The following KCTD15 variants were observed in gnomAD, a reference collection of about 807,000 sequenced individuals.
The protein encoded by KCTD15 is BTB/POZ domain-containing protein KCTD15.
KCTD15 carries 11 observed loss-of-function variants against 27.2 expected under a neutral mutation model. That is an observed-to-expected ratio of 0.41 (90% CI 0.25 to 0.67). KCTD15 has a LOEUF of 0.67. Among genes scored for constraint, KCTD15 ranks in the 30% least tolerant of loss-of-function variants. KCTD15 has a pLI of 0.35. For synonymous variants in KCTD15, 163 were observed against 176.0 expected (o/e 0.93, Z 0.58); for missense variants, 350 against 409.3 (o/e 0.86, Z 1.25).
Position 33,796,976 on chromosome 19 carries a change from G to GCCGCT in KCTD15, c.-135_-134insCTCCG, listed in dbSNP as rs149139568. 0.53 allele frequency: 79,307 copies of GCCGCT among 150,982 alleles called. 21,262 individuals are homozygous for GCCGCT. Among genetic ancestry groups the GCCGCT allele is most frequent in the Middle Eastern group, 0.61 (176 of 288 alleles). The allele number at this position is 150,982 out of a possible 1,614,324, so 9.4% of individuals were successfully genotyped here. A position where few individuals can be genotyped will look rare whatever the true frequency, so the allele number is the denominator to read the frequency against. On this transcript the variant is annotated 5_prime_UTR_variant, in exon 1 of 7. Transcript: ENST00000683859. ...CGGGGGCTGCGCCCGAGCCCGATCT[G>GCCGCT]CCGGCTCCGAGGTAAGCTCAGCGCG...
chr19:33,801,068 T>C, intron 3 of KCTD15, 99 bp from the exon 4 acceptor site: 2 of 1,154,810 alleles, frequency 1.7e-6, no homozygotes, highest in Non-Finnish European at 2.5e-6. Flanking sequence ...ATTAGATCTG[T>C]GATCACACTC....
chr19:33,804,498 G>T (rs1975654496), intron 4 of KCTD15, among the ~76,000 whole-genome samples: 2 of 8,442 alleles, frequency 2.4e-4, no homozygotes, highest in African/African-American at 1.2e-3. Flanking sequence ...GAAGGGTGGG[G>T]AGAGTTCCCA....
chr19:33,806,973 G>A lies in KCTD15; in HGVS notation c.353G>A (p.Arg118Gln), dbSNP rs1182577391. The A allele has an allele frequency of 1.2e-6, 2 of 1,614,088 alleles. No individual in the cohort carries two copies. Among genetic ancestry groups the A allele is most frequent in the Non-Finnish European group, 1.7e-6 (2 of 1,180,020 alleles). ...TTCCGCTACGTCCTGAGCTTCCTGC[G>A]GACGTCCAAGCTGCTGCTTCCGGAT... ...EIFRYVLSFL[R>Q]TSKLLLPDDF... Residue 118 changes from arginine (R) to glutamine (Q), a missense_variant, in exon 5 of 7, where the codon CGG becomes CAG. Around this residue, in one of 3 missense-constraint regions of KCTD15, gnomAD observed 54 missense variants for 101.8 expected, o/e 0.53. Transcript: ENST00000683859.
At chr19:33,799,429 A>G (rs948304644) in intron 2 of KCTD15, among the ~76,000 whole-genome samples, 1 of 152,120 alleles carries the variant, frequency 6.6e-6, no homozygotes, top group African/African-American at 2.4e-5. Flanking sequence ...GTGTCTGTGG[A>G]TGTGTGAAGG....
intron 1 of KCTD15, chr19:33,797,421 G>C (rs1975373174): frequency 2.2e-6 from 1 of 454,640 alleles, no homozygotes. Flanking sequence ...ACAAGTCCCG[G>C]CTTGGCGCCC....
intron 5 of KCTD15, among the ~76,000 whole-genome samples, chr19:33,807,510 T>G (rs2145476367): frequency 6.6e-6 from 1 of 152,200 alleles, no homozygotes; most frequent in Admixed American, 6.5e-5. Flanking sequence ...GATCACCAGG[T>G]CAGGAGTTTG....
Position 33,813,692 on chromosome 19 carries a change from C to T in KCTD15, c.*744C>T, listed in dbSNP as rs1188302701. ...GACCTGCTGCCCAGGGGCTTCCAGT[C>T]CTGTCTGTGTGGACTGGCACCTGGG... On this transcript the variant is annotated 3_prime_UTR_variant, in exon 7 of 7. Transcript: ENST00000683859. 1.1e-5 allele frequency: 3 copies of T among 269,480 alleles called. No individual in the cohort carries two copies. The highest frequency in any genetic ancestry group is 6.9e-5 in the African/African-American group (3 of 43,300). 16.7% of individuals were successfully genotyped at this position (269,480 alleles called of 1,614,324 possible).
intron 4 of KCTD15, among the ~76,000 whole-genome samples, chr19:33,804,163 G>A (rs1035370218): frequency 6.6e-5 from 10 of 152,176 alleles, no homozygotes; most frequent in East Asian, 1.9e-4. Flanking sequence ...ACCTGCTCAC[G>A]TCCTTGGCAG....
At position 33,811,617 on chromosome 19, in the gene KCTD15, G is replaced by C. The variant is rs540440267; in HGVS notation, c.693+65G>C. 46 of 1,547,816 alleles carry C rather than the reference G, an allele frequency of 3.0e-5. No homozygotes were observed. The African/African-American group carries it at 6.0e-4, about 20-fold the overall frequency. ...GCGTCCGCGGAGCCCTCCAGGGGCA[G>C]AGTGAGCTGGAGGGAGGCGCGATCC... On this transcript the variant is annotated intron_variant, in intron 6 of 6. Transcript: ENST00000683859.
At chr19:33,801,415 T>A in intron 4 of KCTD15, 73 bp downstream of exon 4, 4 of 1,345,616 alleles carry the variant, frequency 3.0e-6, no homozygotes, top group Non-Finnish European at 4.0e-6. Context: ...GCCTAGGGGG[T>A]GGGGTCTCTC....
intron 4 of KCTD15, among the ~76,000 whole-genome samples, chr19:33,803,712 C>T (rs941545825): frequency 5.3e-5 from 8 of 152,052 alleles, no homozygotes; most frequent in African/African-American, 1.2e-4. Context: ...GCTTGACCCC[C>T]GTTAGCTGCC....
chr19:33,799,740 G>A (rs1303002436), intron 2 of KCTD15: 1 of 152,486 alleles, frequency 6.6e-6, no homozygotes, highest in Non-Finnish European at 1.5e-5. Context: ...TGAGGGGTCT[G>A]GAATGCATTA....
chr19:33,811,027 A>G (rs1599687941), intron 5 of KCTD15, among the ~76,000 whole-genome samples: 1 of 152,168 alleles, frequency 6.6e-6, no homozygotes, highest in East Asian at 1.9e-4. Context: ...ACAGGTGCAC[A>G]TCAGCGGCTG....
chr19:33,808,274 A>T (rs1337650381), intron 5 of KCTD15, among the ~76,000 whole-genome samples: 1 of 152,242 alleles, frequency 6.6e-6, no homozygotes, highest in African/African-American at 2.4e-5. Context: ...ACTGAGTGCC[A>T]GCCTCTGAAT....
chr19:33,805,664 G>A (rs1472349681), intron 4 of KCTD15, among the ~76,000 whole-genome samples: 1 of 152,242 alleles, frequency 6.6e-6, no homozygotes, highest in African/African-American at 2.4e-5. Context: ...GGGCAGGAGT[G>A]TGGCCCTGCC....
chr19:33,807,239 T>A (rs555567390), intron 5 of KCTD15, among the ~76,000 whole-genome samples: 25 of 152,344 alleles, frequency 1.6e-4, no homozygotes, highest in African/African-American at 6.0e-4. Context: ...AGCTGAACAT[T>A]TGTCGTGTTT....
upstream of KCTD15, chr19:33,796,468 C>G (rs1975319841): frequency 6.7e-6 from 1 of 150,256 alleles, no homozygotes; most frequent in Admixed American, 6.6e-5. Flanking sequence ...TAATCCTCTG[C>G]CCCGCGGCGC....
chr19:33,807,157 A>G, intron 5 of KCTD15, 150 bp downstream of exon 5: 1 of 965,472 alleles, frequency 1.0e-6, no homozygotes, highest in African/African-American at 1.6e-5. Context: ...TTTCTAAACT[A>G]ATTTTGTTTT....
chr19:33,796,808 C>T, upstream of KCTD15: 1 of 11,590 alleles, frequency 8.6e-5, no homozygotes, highest in Non-Finnish European at 1.7e-4. Flanking sequence ...CCGCGTGAAG[C>T]GGGGGCCGGG....
Sources: allele counts gnomAD v4.1 joint callset (sites outside exome capture counted in the v4.1 genomes callset), GRCh38; gene constraint gnomAD v4.1.1; regional missense constraint gnomAD v4.1.1; transcripts MANE v1.5; gene names NCBI Gene and HGNC (gene_info 2026-07-23, HGNC 2026-07-21).